Variants in NFATC3 observed in about 807,000 individuals in gnomAD.
The protein encoded by NFATC3 is nuclear factor of activated T-cells, cytoplasmic 3.
In NFATC3, 46 loss-of-function variants were observed where a neutral mutation model predicts 98.6. The ratio of observed to expected loss-of-function variants is 0.47; its 90% CI spans 0.37 to 0.60. NFATC3 has a LOEUF of 0.60. Ranked by LOEUF, NFATC3 falls within the 20% of genes least tolerant of loss-of-function variation. The pLI, the probability that NFATC3 is intolerant of heterozygous loss-of-function variation, is 0.00. For synonymous variants in NFATC3, 512 were observed against 472.2 expected (o/e 1.08, Z -1.09); for missense variants, 1,256 against 1,295.5 (o/e 0.97, Z 0.47).
Position 68,124,286 on chromosome 16 carries a change from G to GT in NFATC3, c.1238+1173dup, listed in dbSNP as rs947745603. Among the ~76,000 whole-genome samples the GT allele has an allele frequency of 3.6e-4, 55 of 151,370 alleles. 1 individual carries two copies. The highest frequency in any genetic ancestry group is 2.6e-3 in the Admixed American group (40 of 15,206). ...TCAATTATTTAAAAAAATTTTTTTT[G>GT]TTTTTTTTGGTAGAGATGGGGTCTT... On this transcript the variant is annotated intron_variant, in intron 2 of 9. Coordinates refer to ENST00000346183, the MANE Select transcript of NFATC3 (RefSeq NM_173165.3).
intron 9 of NFATC3, among the ~76,000 whole-genome samples, chr16:68,206,413 C>CA: frequency 6.6e-6 from 1 of 152,162 alleles, no homozygotes; most frequent in East Asian, 1.9e-4. Context: ...CCCGTCCTCC[C>CA]AGCCCCTGGT....
At position 68,191,377 on chromosome 16, in the gene NFATC3, C is replaced by T. The variant is rs1327795279; in HGVS notation, c.2708C>T (p.Thr903Ile). ...TCTTCTCCAGTGGCTGACCAGATTA[C>T]AGGTCAGCCTTCGTCTCAGTTACAA... is the stretch of plus-strand genomic sequence containing the variant. The part of the protein sequence containing the change: ...SLSSPVADQI[T>I]GQPSSQLQPI... The change falls in exon 9 of 10, where the codon ACA (threonine) becomes ATA (isoleucine). Residue 903 changes from threonine to isoleucine, a missense_variant. Transcript: ENST00000346183. The T allele has an allele frequency of 1.2e-6, 2 of 1,614,198 alleles. No homozygotes were observed. The highest frequency in any genetic ancestry group is 1.7e-6 in the Non-Finnish European group (2 of 1,180,040).
chr16:68,086,105 A>G (rs2034357437), intron 1 of NFATC3, among the ~76,000 whole-genome samples: 1 of 152,232 alleles, frequency 6.6e-6, no homozygotes, highest in Non-Finnish European at 1.5e-5. Flanking sequence ...GTGTGTTGCA[A>G]GGAAAATGTT....
intron 4 of NFATC3, among the ~76,000 whole-genome samples, chr16:68,158,271 T>C (rs2038714226): frequency 6.6e-6 from 1 of 152,204 alleles, no homozygotes; most frequent in Admixed American, 6.5e-5. Context: ...TACTATATAT[T>C]ACCAGCCAAG....
At chr16:68,213,759 G>A (rs1003658164) in intron 9 of NFATC3, among the ~76,000 whole-genome samples, 2 of 152,128 alleles carry the variant, frequency 1.3e-5, no homozygotes, top group East Asian at 1.9e-4. Context: ...AACCTGGGAG[G>A]CAGAGGTTGC....
chr16:68,108,027 T>G (rs2035755386), intron 1 of NFATC3, among the ~76,000 whole-genome samples: 1 of 152,096 alleles, frequency 6.6e-6, no homozygotes, highest in Non-Finnish European at 1.5e-5. Flanking sequence ...AGGCTGCCTG[T>G]TCACTGTGAT....
chr16:68,146,034 T>G (rs2038025386), intron 3 of NFATC3, among the ~76,000 whole-genome samples: 1 of 152,032 alleles, frequency 6.6e-6, no homozygotes, highest in African/African-American at 2.4e-5. Flanking sequence ...CAGAAGTGTC[T>G]TAGATTTTGG....
intron 4 of NFATC3, among the ~76,000 whole-genome samples, chr16:68,159,095 G>C (rs1436782785): frequency 6.6e-6 from 1 of 152,172 alleles, no homozygotes; most frequent in Non-Finnish European, 1.5e-5. Flanking sequence ...AGCCGAGTGC[G>C]GTTGCGCCTG....
chr16:68,218,208 A>ACTT, intron 9 of NFATC3: 1 of 190,166 alleles, frequency 5.3e-6, no homozygotes, highest in Non-Finnish European at 9.7e-6. Flanking sequence ...GATTACAAGC[A>ACTT]TGACCCACCA....
In NFATC3 at chr16:68,133,973, C is replaced by G. The variant is rs140801401; in HGVS notation, c.1401+7363C>G. ...TGTAGTTACTGATTTTCCAAAGTGGCTGTGCCAATTTATACTCCCAATCAG... is the reference window on the plus strand; with the variant it reads ...TGTAGTTACTGATTTTCCAAAGTGGGTGTGCCAATTTATACTCCCAATCAG... On this transcript the variant is annotated intron_variant, in intron 3 of 9. Coordinates refer to ENST00000346183, the MANE Select transcript of NFATC3 (RefSeq NM_173165.3). Among the ~76,000 whole-genome samples the G allele has an allele frequency of 5.1e-3, 770 of 152,068 alleles. 8 individuals are homozygous for G. The highest frequency in any genetic ancestry group is 0.017 in the African/African-American group (703 of 41,494).
At chr16:68,190,102 G>A (rs1235258888) in intron 8 of NFATC3, among the ~76,000 whole-genome samples, 2 of 152,242 alleles carry the variant, frequency 1.3e-5, no homozygotes, top group Non-Finnish European at 2.9e-5. Flanking sequence ...CTAGTTTATA[G>A]AAATATAACT....
At chr16:68,185,175 C>T (rs1192623168) in intron 8 of NFATC3, among the ~76,000 whole-genome samples, 2 of 152,082 alleles carry the variant, frequency 1.3e-5, no homozygotes, top group East Asian at 1.9e-4. Context: ...CGGGGTTTCA[C>T]CACGTTGGCC....
At chr16:68,104,919 G>A (rs1423569722) in intron 1 of NFATC3, among the ~76,000 whole-genome samples, 1 of 152,046 alleles carries the variant, frequency 6.6e-6, no homozygotes, top group Non-Finnish European at 1.5e-5. Context: ...CTCCCAAAAT[G>A]CTGGGATTAC....
At chr16:68,102,232 T>C (rs1214686128) in intron 1 of NFATC3, among the ~76,000 whole-genome samples, 1 of 150,960 alleles carries the variant, frequency 6.6e-6, no homozygotes, top group Non-Finnish European at 1.5e-5. Flanking sequence ...ATTAGCTGGG[T>C]GTGGTGGTGC....
At chr16:68,104,674 T>A (rs1474369694) in intron 1 of NFATC3, among the ~76,000 whole-genome samples, 1 of 147,800 alleles carries the variant, frequency 6.8e-6, no homozygotes, top group Non-Finnish European at 1.5e-5. Flanking sequence ...TTTTTTGAAA[T>A]GGAGTCTGGC....
At chr16:68,089,728 A>G (rs888052813) in intron 1 of NFATC3, among the ~76,000 whole-genome samples, 2 of 152,200 alleles carry the variant, frequency 1.3e-5, no homozygotes, top group Admixed American at 6.5e-5. Flanking sequence ...TTGCCATTAT[A>G]AAGGGCAGCC....
chr16:68,132,078 T>C (rs2037141989), intron 3 of NFATC3, among the ~76,000 whole-genome samples: 1 of 152,214 alleles, frequency 6.6e-6, no homozygotes, highest in Non-Finnish European at 1.5e-5. Flanking sequence ...GTGTACTGCT[T>C]ATTTTTCTCT....
chr16:68,158,110 C>G, intron 4 of NFATC3, 42 bp downstream of exon 4: 1 of 1,306,314 alleles, frequency 7.7e-7, no homozygotes, highest in Middle Eastern at 1.9e-4. Context: ...CTTTTTTTCT[C>G]TATACTTTCA....
At chr16:68,086,632 A>G (rs2151432932) in intron 1 of NFATC3, 1 of 985,356 alleles carries the variant, frequency 1.0e-6, no homozygotes, top group Non-Finnish European at 1.2e-6. Flanking sequence ...TCCCTGTTAC[A>G]TATGCATACG....
Sources: allele counts gnomAD v4.1 joint callset (sites outside exome capture counted in the v4.1 genomes callset), GRCh38; gene constraint gnomAD v4.1.1; transcripts MANE v1.5; gene names NCBI Gene and HGNC (gene_info 2026-07-23, HGNC 2026-07-21).